TYW1B: variants seen among roughly 807,000 people sequenced by gnomAD.
TYW1B encodes tRNA-yW synthesizing protein 1 homolog B.
A neutral mutation model predicts 86.9 loss-of-function variants in TYW1B; 73 were observed. That is an observed-to-expected ratio of 0.84 (90% confidence interval 0.70 to 1.02). The LOEUF (loss-of-function observed/expected upper bound fraction) is 1.02. Ranked by LOEUF, TYW1B falls within the 50% of genes least tolerant of loss-of-function variation. The probability of loss-of-function intolerance (pLI) is 0.00; values close to 1 mark genes in which losing one functional copy is unlikely to be tolerated. For missense variants in TYW1B, 637 were observed against 827.4 expected (o/e 0.77, Z 2.82); for synonymous variants, 248 against 292.8 (o/e 0.85, Z 1.56).
chr7:72,592,175 A>T (rs1362989345), intron 13 of TYW1B, among the ~76,000 whole-genome samples: 2 of 151,576 alleles, frequency 1.3e-5, no homozygotes, highest in African/African-American at 4.8e-5. Flanking sequence ...AAAAAAAAAA[A>T]AAAAAAAAAA....
chr7:72,603,097 G>A (rs1320793931), intron 13 of TYW1B, among the ~76,000 whole-genome samples: 2 of 48,894 alleles, frequency 4.1e-5, no homozygotes, highest in Admixed American at 4.2e-4. Flanking sequence ...ACAGATGATG[G>A]ATGGATGGAT....
rs145190381 is a variant in TYW1B at position 72,762,745 on chromosome 7, C to T, written c.964+14671G>A. On this transcript the variant is annotated intron_variant, in intron 7 of 13. Transcript: ENST00000620995. The stretch of plus-strand genomic sequence containing the variant: ...CATGATCTTGGCTCACTGCAACCTC[C>T]GCCTCCCTGGTTCAAGCAATTCTCC... 4.2e-3 allele frequency among the ~76,000 whole-genome samples: 643 copies of T among 152,140 alleles called. 3 individuals are homozygous for T. The highest frequency in any genetic ancestry group is 0.014 in the African/African-American group (568 of 41,486).
chr7:72,707,343 C>T (rs1264306463), intron 10 of TYW1B, among the ~76,000 whole-genome samples: 1 of 152,228 alleles, frequency 6.6e-6, no homozygotes, highest in Non-Finnish European at 1.5e-5. Context: ...CCCTGGGCCC[C>T]AGCCCAGCCC....
chr7:72,664,827 G>C (rs1382201969), intron 11 of TYW1B, among the ~76,000 whole-genome samples: 1 of 152,088 alleles, frequency 6.6e-6, no homozygotes, highest in African/African-American at 2.4e-5. Flanking sequence ...ATTGGTTCCA[G>C]GAACCTCATG....
chr7:72,691,287 G>C (rs560265898), intron 11 of TYW1B, among the ~76,000 whole-genome samples: 56 of 152,330 alleles, frequency 3.7e-4, no homozygotes, highest in Middle Eastern at 3.4e-3. Flanking sequence ...CCAAGAACGA[G>C]AAACAACAAC....
intron 11 of TYW1B, among the ~76,000 whole-genome samples, chr7:72,648,461 T>G (rs537695641): frequency 6.6e-6 from 1 of 150,938 alleles, no homozygotes; most frequent in Non-Finnish European, 1.5e-5. Flanking sequence ...GAGAATCACT[T>G]GAACCCAGGA....
At chr7:72,663,469 C>G (rs1442104064) in intron 11 of TYW1B, among the ~76,000 whole-genome samples, 30 of 151,976 alleles carry the variant, frequency 2.0e-4, no homozygotes, top group Admixed American at 1.9e-3. Flanking sequence ...ATAAAAATCA[C>G]TTTCAAAAGC....
chr7:72,779,136 C>T (rs1554471194), intron 6 of TYW1B, among the ~76,000 whole-genome samples: 1 of 152,200 alleles, frequency 6.6e-6, no homozygotes, highest in East Asian at 1.9e-4. Flanking sequence ...CCCCAGCCCA[C>T]CCTTGGTCCC....
intron 8 of TYW1B, among the ~76,000 whole-genome samples, chr7:72,729,409 C>T (rs1181893092): frequency 6.6e-6 from 1 of 152,094 alleles, no homozygotes; most frequent in Non-Finnish European, 1.5e-5. Context: ...CAAGCAGCTA[C>T]AACACAATGT....
At chr7:72,652,151 G>A (rs1554442890) in intron 11 of TYW1B, among the ~76,000 whole-genome samples, 4 of 152,052 alleles carry the variant, frequency 2.6e-5, no homozygotes, top group African/African-American at 9.7e-5. Flanking sequence ...GCTGAGGCAG[G>A]CGGATCACGA....
rs782670276 is a variant in TYW1B at position 72,629,004 on chromosome 7, C to G, written c.1507-7G>C. On this transcript the variant is annotated splice_region_variant and splice_polypyrimidine_tract_variant and intron_variant, in intron 11 of 13. Transcript: ENST00000620995. ...TGTAGACAGTTCGTTGTTGCTAAAA[C>G]AAAGGAAAAGCCAACTTCGTTGTTA... 6.3e-7 allele frequency: 1 copy of G among 1,585,744 alleles called. No individual in the cohort carries two copies. Among genetic ancestry groups the G allele is most frequent in the Non-Finnish European group, 8.6e-7 (1 of 1,166,138 alleles).
chr7:72,691,580 A>G (rs1182173252), intron 11 of TYW1B, among the ~76,000 whole-genome samples: 3 of 152,160 alleles, frequency 2.0e-5, no homozygotes, highest in African/African-American at 7.2e-5. Flanking sequence ...CTATTAAGCT[A>G]TTGTGTTAAT....
At chr7:72,708,474 C>A (rs1366781155) in intron 10 of TYW1B, among the ~76,000 whole-genome samples, 6 of 152,132 alleles carry the variant, frequency 3.9e-5, no homozygotes, top group Admixed American at 3.3e-4. Context: ...TTACAGTGTG[C>A]TCAAAGATGA....
chr7:72,673,887 G>A (rs1813672282), intron 11 of TYW1B, among the ~76,000 whole-genome samples: 1 of 152,032 alleles, frequency 6.6e-6, no homozygotes, highest in Admixed American at 6.6e-5. Flanking sequence ...CACCTACTAT[G>A]TACCCACAAA....
At chr7:72,815,282 T>C (rs1398658087) in intron 3 of TYW1B, 98 bp downstream of exon 3, 1 of 1,096,684 alleles carries the variant, frequency 9.1e-7, no homozygotes, top group African/African-American at 1.6e-5. Flanking sequence ...AAAATTAAAT[T>C]TATTCTGAAG....
intron 11 of TYW1B, among the ~76,000 whole-genome samples, chr7:72,686,410 A>G (rs1319494178): frequency 6.6e-6 from 1 of 152,244 alleles, no homozygotes; most frequent in Non-Finnish European, 1.5e-5. Context: ...AACACATGGA[A>G]GGAACCTTAA....
intron 12 of TYW1B, among the ~76,000 whole-genome samples, chr7:72,621,413 ACCTG>A (rs1179012169): frequency 2.0e-5 from 3 of 152,174 alleles, no homozygotes; most frequent in Non-Finnish European, 4.4e-5. Flanking sequence ...GGCCTTCCTC[ACCTG>A]CCTCCGTAGC....
chr7:72,585,823 T>C (rs1811262248), intron 13 of TYW1B, among the ~76,000 whole-genome samples: 1 of 152,192 alleles, frequency 6.6e-6, no homozygotes, highest in Admixed American at 6.6e-5. Context: ...ATCTCAGGTA[T>C]GTCTTTATCA....
At chr7:72,656,361 G>A (rs1383837563) in intron 11 of TYW1B, among the ~76,000 whole-genome samples, 1 of 152,158 alleles carries the variant, frequency 6.6e-6, no homozygotes, top group Non-Finnish European at 1.5e-5. Flanking sequence ...CATTAAACCA[G>A]GTGTAAGATA....
Sources: allele counts gnomAD v4.1 joint callset (sites outside exome capture counted in the v4.1 genomes callset), GRCh38; gene constraint gnomAD v4.1.1; transcripts MANE v1.5; gene names NCBI Gene and HGNC (gene_info 2026-07-23, HGNC 2026-07-21).